CAMKMT: variants seen among roughly 807,000 people sequenced by gnomAD.
CAMKMT encodes the protein CaM KMT.
CAMKMT carries 53 observed loss-of-function variants against 48.0 expected under a neutral mutation model. That is an observed-to-expected ratio of 1.10 (90% confidence interval 0.89 to 1.39). The LOEUF is 1.39. Among genes scored for constraint, CAMKMT ranks in the 40% most tolerant of loss-of-function variants. The pLI is 0.00. For synonymous variants in CAMKMT, 165 were observed against 152.3 expected (o/e 1.08, Z -0.61); for missense variants, 428 against 402.7 (o/e 1.06, Z -0.54).
chr2:44,642,686 G>C (rs2104005962), intron 3 of CAMKMT, among the ~76,000 whole-genome samples: 1 of 152,170 alleles, frequency 6.6e-6, no homozygotes. Flanking sequence ...GGCAAGCCTG[G>C]TGAACATGTC....
At chr2:44,493,678 T>A (rs1035932172) in intron 3 of CAMKMT, among the ~76,000 whole-genome samples, 1 of 152,216 alleles carries the variant, frequency 6.6e-6, no homozygotes, top group Non-Finnish European at 1.5e-5. Flanking sequence ...CTTTGAGAGC[T>A]CCTTCTTTGG....
At chr2:44,483,594 T>G (rs1002413702) in intron 3 of CAMKMT, among the ~76,000 whole-genome samples, 2 of 152,132 alleles carry the variant, frequency 1.3e-5, no homozygotes, top group African/African-American at 4.8e-5. Flanking sequence ...TGCTTGTAAT[T>G]TGAGTATTAA....
intron 3 of CAMKMT, among the ~76,000 whole-genome samples, chr2:44,666,833 CT>C (rs1675008170): frequency 6.6e-6 from 1 of 152,196 alleles, no homozygotes; most frequent in Non-Finnish European, 1.5e-5. Flanking sequence ...TGGTCTTGAT[CT>C]CCTGACCTCG....
chr2:44,737,794 T>C (rs1349554250), intron 7 of CAMKMT, among the ~76,000 whole-genome samples: 1 of 151,996 alleles, frequency 6.6e-6, no homozygotes, highest in African/African-American at 2.4e-5. Context: ...AGTGCTCTCC[T>C]ATTCAGTATT....
At chr2:44,586,958 T>C (rs61635055) in intron 3 of CAMKMT, among the ~76,000 whole-genome samples, 19,700 of 152,208 alleles carry the variant, frequency 0.13, 1,702 homozygotes, top group African/African-American at 0.24. Context: ...CAACACTTGG[T>C]TGGTGAGTCC....
intron 10 of CAMKMT, among the ~76,000 whole-genome samples, chr2:44,768,904 C>T (rs895544597): frequency 6.6e-6 from 1 of 152,120 alleles, no homozygotes; most frequent in African/African-American, 2.4e-5. Flanking sequence ...TGGAATAGAG[C>T]GTAACCAGCT....
At chr2:44,704,947 A>C (rs1210211179) in intron 4 of CAMKMT, among the ~76,000 whole-genome samples, 1 of 152,146 alleles carries the variant, frequency 6.6e-6, no homozygotes. Context: ...GGAAAAAAAA[A>C]AAAAACTTTA....
At chr2:44,375,855 A>C (rs898292736) in intron 2 of CAMKMT, among the ~76,000 whole-genome samples, 1 of 151,800 alleles carries the variant, frequency 6.6e-6, no homozygotes, top group African/African-American at 2.4e-5. Context: ...GCCCATTCTC[A>C]GCTTACTGCA....
At position 44,657,612 on chromosome 2, in the gene CAMKMT, A is replaced by C. The variant is rs952854538; in HGVS notation, c.377-46671A>C. On this transcript the variant is annotated intron_variant, in intron 3 of 10. Coordinates refer to ENST00000378494, the MANE Select transcript of CAMKMT (RefSeq NM_024766.5). This position sits in a 1 kb window ranked among gnomAD's most constrained non-coding sequence, Gnocchi z 4.3. ...GGAACAATTCATGTCCCTGACTACAAGTGTTCCTGGGGCCACGTCTGAAAG... is the reference window on the plus strand; with the variant it reads ...GGAACAATTCATGTCCCTGACTACACGTGTTCCTGGGGCCACGTCTGAAAG... Among the ~76,000 whole-genome samples the C allele has an allele frequency of 1.3e-5, 2 of 152,198 alleles. No individual in the cohort carries two copies. The highest frequency in any genetic ancestry group is 1.3e-4 in the Admixed American group (2 of 15,282).
Position 44,524,072 on chromosome 2 carries a change from G to A in CAMKMT, c.376+133767G>A, listed in dbSNP as rs541537432. 3.3e-5 allele frequency among the ~76,000 whole-genome samples: 5 copies of A among 152,014 alleles called. No homozygotes were observed. In the South Asian group the frequency reaches 6.2e-4, roughly 19 times the overall value. The stretch of plus-strand genomic sequence containing the variant: ...GATTACAGGCGTGAGCCACCGTGTC[G>A]AACACAGAGAGCAAGTATTCTAAGA... On this transcript the variant is annotated intron_variant, in intron 3 of 10. Transcript: ENST00000378494.
chr2:44,441,045 A>C (rs1030820661), intron 3 of CAMKMT, among the ~76,000 whole-genome samples: 3 of 152,072 alleles, frequency 2.0e-5, no homozygotes, highest in Non-Finnish European at 4.4e-5. Flanking sequence ...TACCTGGGGG[A>C]ATTCACCTAT....
intron 3 of CAMKMT, among the ~76,000 whole-genome samples, chr2:44,531,323 T>G (rs904468466): frequency 5.9e-5 from 9 of 152,236 alleles, no homozygotes; most frequent in African/African-American, 2.2e-4. Flanking sequence ...ACACAACGTT[T>G]TATGTGGTTT....
At chr2:44,530,221 A>T (rs1237888172) in intron 3 of CAMKMT, among the ~76,000 whole-genome samples, 1 of 152,238 alleles carries the variant, frequency 6.6e-6, no homozygotes, top group Non-Finnish European at 1.5e-5. Context: ...ATGATTTAAA[A>T]GCAAGTTAAT....
intron 3 of CAMKMT, among the ~76,000 whole-genome samples, chr2:44,451,046 A>C (rs1667261002): frequency 6.6e-6 from 1 of 152,164 alleles, no homozygotes; most frequent in South Asian, 2.1e-4. Context: ...TGAAAGTTAG[A>C]GGCTAAACTA....
chr2:44,729,335 A>G (rs1448415237), intron 7 of CAMKMT, among the ~76,000 whole-genome samples: 1 of 152,208 alleles, frequency 6.6e-6, no homozygotes, highest in Admixed American at 6.5e-5. Flanking sequence ...GAAAGTCAGA[A>G]GAGAAGATGA....
chr2:44,677,465 G>A (rs919662154), intron 3 of CAMKMT, among the ~76,000 whole-genome samples: 1 of 152,172 alleles, frequency 6.6e-6, no homozygotes, highest in South Asian at 2.1e-4. Context: ...GTACTCAGGA[G>A]AGCTGTCCAG....
chr2:44,519,573 A>G (rs1670995784), intron 3 of CAMKMT, among the ~76,000 whole-genome samples: 1 of 152,244 alleles, frequency 6.6e-6, no homozygotes, highest in South Asian at 2.1e-4. Flanking sequence ...ATAATTAAAC[A>G]TAAGCCTTGA....
chr2:44,487,978 T>C (rs1365440739), intron 3 of CAMKMT, among the ~76,000 whole-genome samples: 2 of 152,256 alleles, frequency 1.3e-5, no homozygotes, highest in Non-Finnish European at 2.9e-5. Context: ...TTGGGTAGTT[T>C]CTGCCTCATT....
At chr2:44,708,731 A>C (rs542856366) in intron 6 of CAMKMT, among the ~76,000 whole-genome samples, 2 of 152,146 alleles carry the variant, frequency 1.3e-5, no homozygotes, top group East Asian at 3.9e-4. Flanking sequence ...TCCATGTATC[A>C]TTTCACTGTG....
Sources: allele counts gnomAD v4.1 joint callset (sites outside exome capture counted in the v4.1 genomes callset), GRCh38; gene constraint gnomAD v4.1.1; non-coding constraint Gnocchi (gnomAD v3.1); transcripts MANE v1.5; gene names NCBI Gene and HGNC (gene_info 2026-07-23, HGNC 2026-07-21).